ANKRD12: variants seen among roughly 807,000 people sequenced by gnomAD.
ANKRD12 encodes the protein ankyrin repeat domain-containing protein 12.
In ANKRD12, 85 loss-of-function variants were observed where a neutral mutation model predicts 183.4. That is an observed-to-expected ratio of 0.46 (90% confidence interval 0.39 to 0.56). The LOEUF (loss-of-function observed/expected upper bound fraction) is 0.56. ANKRD12 is among the 20% of genes least tolerant of loss of function. The probability of loss-of-function intolerance (pLI) is 0.00; values close to 1 mark genes in which losing one functional copy is unlikely to be tolerated. For synonymous variants in ANKRD12, 914 were observed against 800.2 expected (o/e 1.14, Z -2.40); for missense variants, 2,405 against 2,357.1 (o/e 1.02, Z -0.42).
At chr18:9,191,175 AAAG>A (rs1262721410) in intron 2 of ANKRD12, among the ~76,000 whole-genome samples, 11 of 152,370 alleles carry the variant, frequency 7.2e-5, no homozygotes, top group South Asian at 6.2e-4. Flanking sequence ...GTTAAATGAA[AAAG>A]ACTCTAGAAA....
Position 9,211,742 on chromosome 18 carries a change from T to C in ANKRD12, c.610T>C (p.Leu204=), listed in dbSNP as rs2035814862. ...IRGDVKQVKE[L]ISLGANVNVK... is the part of the protein sequence containing the mutation. Reference sequence around the variant, plus strand: ...AGGAGATGTGAAACAAGTTAAAGAATTAATAAGTTTAGGGGCAAATGTGAA... The same window carrying C: ...AGGAGATGTGAAACAAGTTAAAGAACTAATAAGTTTAGGGGCAAATGTGAA... Residue 204 remains leucine (L), a synonymous_variant, in exon 6 of 13, where the codon TTA becomes CTA. Coordinates refer to ENST00000262126, the MANE Select transcript of ANKRD12 (RefSeq NM_015208.5). The C allele has an allele frequency of 6.2e-7, 1 of 1,613,578 alleles. No homozygotes were observed. The highest frequency in any genetic ancestry group is 8.5e-7 in the Non-Finnish European group (1 of 1,179,776).
Position 9,281,179 on chromosome 18 carries a change from T to C in ANKRD12, c.*53T>C. On this transcript the variant is annotated 3_prime_UTR_variant, in exon 13 of 13. Transcript: ENST00000262126. ...CTAAACTGGTGATGCTCAAGCATTA[T>C]ACTGTGGAATACTGCCTTTTGACAA... 7.1e-7 allele frequency: 1 copy of C among 1,416,526 alleles called. No individual in the cohort carries two copies. Among genetic ancestry groups the C allele is most frequent in the Non-Finnish European group, 9.6e-7 (1 of 1,041,466 alleles). 87.7% of individuals were successfully genotyped at this position (1,416,526 alleles called of 1,614,324 possible). A position where few individuals can be genotyped will look rare whatever the true frequency, so the allele number is the denominator to read the frequency against.
At position 9,227,454 on chromosome 18, in the gene ANKRD12, G is replaced by A. The variant is rs547185315; in HGVS notation, c.943+5455G>A. On this transcript the variant is annotated intron_variant, in intron 8 of 12. Transcript: ENST00000262126. Reference sequence around the variant, plus strand: ...TAGAAGAAGATGATTCCAGGTCTGGGGCAGGAAATGTTTGAGCTTGGAATA... The same window carrying A: ...TAGAAGAAGATGATTCCAGGTCTGGAGCAGGAAATGTTTGAGCTTGGAATA... 6.6e-5 allele frequency among the ~76,000 whole-genome samples: 10 copies of A among 152,244 alleles called. No individual in the cohort carries two copies. In the South Asian group the frequency reaches 2.1e-3, roughly 32 times the overall value.
chr18:9,215,687 TAAAGAA>T (rs1198536943), intron 6 of ANKRD12, among the ~76,000 whole-genome samples: 1 of 151,990 alleles, frequency 6.6e-6, no homozygotes, highest in East Asian at 1.9e-4. Flanking sequence ...CTGTCATTGT[TAAAGAA>T]AAAGCTGTGA....
intron 1 of ANKRD12, among the ~76,000 whole-genome samples, chr18:9,146,883 C>T (rs771788119): frequency 3.3e-5 from 5 of 152,082 alleles, no homozygotes; most frequent in Non-Finnish European, 7.4e-5. Flanking sequence ...TAAAGAAAAA[C>T]GTAGCAGTTC....
Position 9,281,623 on chromosome 18 carries a change from T to C in ANKRD12, c.*497T>C, listed in dbSNP as rs1031740787. The C allele has an allele frequency of 1.3e-5, 2 of 152,704 alleles. No homozygotes were observed. Among genetic ancestry groups the C allele is most frequent in the African/African-American group, 4.8e-5 (2 of 41,456 alleles). The allele number at this position is 152,704 out of a possible 1,614,324, so 9.5% of individuals were successfully genotyped here. ...AGTTTTCTTTTTGAAAGTTTTAATA[T>C]TGTCTTCCTTTTTAATAACTTATTT... is the stretch of plus-strand genomic sequence containing the variant. On this transcript the variant is annotated 3_prime_UTR_variant, in exon 13 of 13. Coordinates refer to ENST00000262126, the MANE Select transcript of ANKRD12 (RefSeq NM_015208.5).
chr18:9,227,611 A>G (rs754296670), intron 8 of ANKRD12, among the ~76,000 whole-genome samples: 9 of 152,180 alleles, frequency 5.9e-5, no homozygotes, highest in Non-Finnish European at 1.0e-4. Flanking sequence ...GAACAGAATA[A>G]ATTGCCGTGG....
chr18:9,194,743 T>G (rs1413970381), intron 2 of ANKRD12, among the ~76,000 whole-genome samples: 1 of 152,226 alleles, frequency 6.6e-6, no homozygotes, highest in African/African-American at 2.4e-5. Context: ...GCGCTACATC[T>G]AGATATAATG....
At chr18:9,271,024 C>T (rs768280491) in intron 10 of ANKRD12, among the ~76,000 whole-genome samples, 27 of 152,120 alleles carry the variant, frequency 1.8e-4, no homozygotes, top group African/African-American at 7.2e-5. Flanking sequence ...AGTATCTCTA[C>T]GCAGAACTGC....
At chr18:9,201,825 C>T (rs1414562015) in intron 3 of ANKRD12, among the ~76,000 whole-genome samples, 6 of 142,302 alleles carry the variant, frequency 4.2e-5, no homozygotes, top group Admixed American at 7.6e-5. Context: ...TAGTTTTTTT[C>T]GCTTTTTTTT....
intron 8 of ANKRD12, among the ~76,000 whole-genome samples, chr18:9,242,680 A>G (rs1443746692): frequency 6.6e-6 from 1 of 152,150 alleles, no homozygotes; most frequent in Non-Finnish European, 1.5e-5. Context: ...ATAGAATCAA[A>G]TTCTGTTTTA....
Position 9,256,866 on chromosome 18 carries a change from G to A in ANKRD12, c.3599G>A (p.Ser1200Asn). 2 of 1,613,946 alleles carry A rather than the reference G, an allele frequency of 1.2e-6. No homozygotes were observed. Among genetic ancestry groups the A allele is most frequent in the Non-Finnish European group, 8.5e-7 (1 of 1,179,946 alleles). ...TCAGAAAATGAAAAGCCGGGTCTCA[G>A]CTCCAGATCTGTATCCATGATTTCT... is the stretch of plus-strand genomic sequence containing the variant. ...PRSENEKPGLSSRSVSMISVA... is the reference protein window; with the variant it reads ...PRSENEKPGLNSRSVSMISVA... The change falls in exon 9 of 13, where the codon AGC becomes AAC. Residue 1200 changes from serine to asparagine, a missense_variant. This residue lies in a region of ANKRD12 where 1,983 missense variants were observed against 1,725.9 expected (regional missense o/e 1.15). Transcript: ENST00000262126.
At chr18:9,247,882 G>T (rs1284080691) in intron 8 of ANKRD12, among the ~76,000 whole-genome samples, 1 of 151,988 alleles carries the variant, frequency 6.6e-6, no homozygotes, top group East Asian at 1.9e-4. Context: ...CACCTCCCAG[G>T]TTCAAGCGAT....
At chr18:9,149,944 C>T (rs2078629517) in intron 1 of ANKRD12, among the ~76,000 whole-genome samples, 1 of 151,486 alleles carries the variant, frequency 6.6e-6, no homozygotes. Context: ...TACAGGCATG[C>T]GCCCACCACG....
intron 8 of ANKRD12, among the ~76,000 whole-genome samples, chr18:9,247,959 G>A (rs1176220704): frequency 6.6e-6 from 1 of 152,048 alleles, no homozygotes; most frequent in East Asian, 1.9e-4. Context: ...CCTAATTTTT[G>A]TGTTTTTAGT....
At chr18:9,172,993 G>A (rs116806176) in intron 1 of ANKRD12, among the ~76,000 whole-genome samples, 3,861 of 150,730 alleles carry the variant, frequency 0.026, 79 homozygotes, top group Non-Finnish European at 0.041. Context: ...CCTCAACCTC[G>A]TGATCTGCCC....
chr18:9,241,871 A>G (rs1297440688), intron 8 of ANKRD12, among the ~76,000 whole-genome samples: 1 of 151,900 alleles, frequency 6.6e-6, no homozygotes, highest in Non-Finnish European at 1.5e-5. Context: ...CCAAAGCCCA[A>G]GAGTTTTAAA....
At position 9,255,731 on chromosome 18, in the gene ANKRD12, C is replaced by T. The variant is rs974340594; in HGVS notation, c.2464C>T (p.Pro822Ser). 1 of 1,588,130 alleles carries T rather than the reference C, an allele frequency of 6.3e-7. No homozygotes were observed. The highest frequency in any genetic ancestry group is 8.5e-7 in the Non-Finnish European group (1 of 1,172,922). The change falls in exon 9 of 13, where the codon CCT becomes TCT. Residue 822 changes from proline (P) to serine (S), a missense_variant. Transcript: ENST00000262126. ...GCATATAAAGGAAAGTAAAGAAAAA[C>T]CTGAGAAGCGATCTCAAATTAAAGA... ...EKHIKESKEK[P>S]EKRSQIKEKD...
At chr18:9,265,530 C>G (rs1166313559) in intron 10 of ANKRD12, among the ~76,000 whole-genome samples, 1 of 152,174 alleles carries the variant, frequency 6.6e-6, no homozygotes, top group East Asian at 1.9e-4. Flanking sequence ...GAGTGGGCCT[C>G]CAGCAAACTC....
Sources: allele counts gnomAD v4.1 joint callset (sites outside exome capture counted in the v4.1 genomes callset), GRCh38; gene constraint gnomAD v4.1.1; regional missense constraint gnomAD v4.1.1; transcripts MANE v1.5; gene names NCBI Gene and HGNC (gene_info 2026-07-23, HGNC 2026-07-21).